Variants in SCOC observed in about 807,000 individuals in gnomAD.
SCOC encodes short coiled coil protein.
In SCOC, 7 loss-of-function variants were observed where a neutral mutation model predicts 9.9. The ratio of observed to expected loss-of-function variants is 0.71; its 90% CI spans 0.40 to 1.33. The LOEUF (loss-of-function observed/expected upper bound fraction) is 1.33. Among genes scored for constraint, SCOC ranks in the 40% most tolerant of loss-of-function variants. The probability of loss-of-function intolerance (pLI) is 0.01; values close to 1 mark genes in which losing one functional copy is unlikely to be tolerated. For synonymous variants in SCOC, 19 were observed against 28.2 expected (o/e 0.67, Z 1.03); for missense variants, 66 against 89.7 (o/e 0.74, Z 1.07).
chr4:140,280,241 C>T (rs761936452), intron 1 of SCOC, among the ~76,000 whole-genome samples: 19 of 152,254 alleles, frequency 1.2e-4, no homozygotes, highest in South Asian at 1.0e-3. Context: ...CTCAGCCTCC[C>T]GAGTAGCTGG....
At chr4:140,280,318 A>G (rs2126414865) in intron 1 of SCOC, among the ~76,000 whole-genome samples, 1 of 152,190 alleles carries the variant, frequency 6.6e-6, no homozygotes, top group East Asian at 1.9e-4. Context: ...TTGTAGAGAC[A>G]GGGTTTTGCT....
intron 1 of SCOC, chr4:140,284,771 A>G (rs970564848): frequency 2.7e-5 from 2 of 73,614 alleles, no homozygotes; most frequent in South Asian, 4.6e-4. Flanking sequence ...TATTTCTTTC[A>G]AAAAAAAAAA....
chr4:140,321,516 T>A (rs955317871), intron 1 of SCOC, among the ~76,000 whole-genome samples: 1 of 152,282 alleles, frequency 6.6e-6, no homozygotes, highest in East Asian at 1.9e-4. Context: ...CTAAAAATGC[T>A]AGACATCAAA....
chr4:140,376,036 C>T (rs1488564318), intron 1 of SCOC, among the ~76,000 whole-genome samples: 1 of 152,114 alleles, frequency 6.6e-6, no homozygotes, highest in Non-Finnish European at 1.5e-5. Context: ...GCATATTTGA[C>T]ATGGAATTAG....
At chr4:140,279,004 T>G (rs1031146117) in intron 1 of SCOC, among the ~76,000 whole-genome samples, 3 of 152,146 alleles carry the variant, frequency 2.0e-5, no homozygotes, top group Non-Finnish European at 4.4e-5. Flanking sequence ...CAAGATCCTG[T>G]GTAGTTTGGC....
At chr4:140,377,615 A>T (rs141830699) in intron 1 of SCOC, among the ~76,000 whole-genome samples, 1 of 152,210 alleles carries the variant, frequency 6.6e-6, no homozygotes, top group Admixed American at 6.5e-5. Flanking sequence ...AAGTTTATGT[A>T]TATGTACACT....
chr4:140,362,284 C>CT (rs1236165549), intron 2 of SCOC, among the ~76,000 whole-genome samples: 1 of 16,094 alleles, frequency 6.2e-5, no homozygotes, highest in Admixed American at 6.1e-4. Context: ...CTTACTTCTT[C>CT]TTCTTCTTCT....
intron 2 of SCOC, among the ~76,000 whole-genome samples, chr4:140,345,169 C>T (rs1338942476): frequency 6.6e-6 from 1 of 152,108 alleles, no homozygotes; most frequent in African/African-American, 2.4e-5. Flanking sequence ...TGGGCATGGG[C>T]GCTGAAGAAC....
chr4:140,344,602 A>G (rs183544083), intron 2 of SCOC, among the ~76,000 whole-genome samples: 10 of 152,322 alleles, frequency 6.6e-5, no homozygotes, highest in African/African-American at 2.4e-4. Flanking sequence ...CTGGCACTGC[A>G]TAAACATGCT....
chr4:140,261,146 G>A (rs1730624191), intron 1 of SCOC, among the ~76,000 whole-genome samples: 1 of 152,192 alleles, frequency 6.6e-6, no homozygotes, highest in African/African-American at 2.4e-5. Flanking sequence ...TAATGGTGGT[G>A]ATGACCTATT....
At chr4:140,263,510 C>G (rs1378304817) in intron 1 of SCOC, among the ~76,000 whole-genome samples, 7 of 152,148 alleles carry the variant, frequency 4.6e-5, no homozygotes, top group Non-Finnish European at 1.0e-4. Context: ...TTTGGTGAAG[C>G]AGGCCTTTGT....
chr4:140,377,801 T>C (rs1728403615), intron 1 of SCOC, among the ~76,000 whole-genome samples: 2 of 152,192 alleles, frequency 1.3e-5, no homozygotes. Context: ...AGTTCTAGTA[T>C]GTAGATATCC....
chr4:140,358,829 T>C (rs1727342177), intron 2 of SCOC, among the ~76,000 whole-genome samples: 1 of 152,230 alleles, frequency 6.6e-6, no homozygotes, highest in African/African-American at 2.4e-5. Flanking sequence ...CATTCCATTT[T>C]AATCACCATT....
chr4:140,314,912 T>C (rs1256744479), intron 1 of SCOC, among the ~76,000 whole-genome samples: 1 of 152,192 alleles, frequency 6.6e-6, no homozygotes, highest in African/African-American at 2.4e-5. Flanking sequence ...TGAATGTTCC[T>C]TTCCATTTTC....
intron 1 of SCOC, among the ~76,000 whole-genome samples, chr4:140,276,301 CTAATTTTTGTAT>C: frequency 6.6e-6 from 1 of 152,034 alleles, no homozygotes; most frequent in South Asian, 2.1e-4. Context: ...CGCACCCGGC[CTAATTTTTGTAT>C]TTTTTAGTAG....
intron 2 of SCOC, among the ~76,000 whole-genome samples, chr4:140,357,032 C>T (rs564599197): frequency 1.3e-5 from 2 of 152,264 alleles, no homozygotes; most frequent in South Asian, 2.1e-4. Flanking sequence ...TGCAGTGGTG[C>T]AATCTCGGCT....
intron 1 of SCOC, among the ~76,000 whole-genome samples, chr4:140,300,098 T>C (rs774808989): frequency 1.1e-4 from 17 of 152,190 alleles, no homozygotes; most frequent in African/African-American, 1.9e-4. Context: ...GGAAATCTCA[T>C]TGGCTGTGGG....
In SCOC at chr4:140,381,588, A is replaced by G. The variant is rs1728575302; in HGVS notation, c.*484A>G. On this transcript the variant is annotated 3_prime_UTR_variant, in exon 4 of 4. Transcript: ENST00000608372. ...TCACATTTGTAAAAGTAATTTTAAT[A>G]GTTAATCATCTCTGAGAGTAACCTG... 6.6e-6 allele frequency: 1 copy of G among 152,436 alleles called. No homozygotes were observed. Among genetic ancestry groups the G allele is most frequent in the South Asian group, 2.1e-4 (1 of 4,850 alleles). The allele number at this position is 152,436 out of a possible 1,614,324, so 9.4% of individuals were successfully genotyped here. A position where few individuals can be genotyped will look rare whatever the true frequency, so the allele number is the denominator to read the frequency against.
At chr4:140,285,549 T>C (rs1245037303) in intron 1 of SCOC, among the ~76,000 whole-genome samples, 3 of 152,204 alleles carry the variant, frequency 2.0e-5, no homozygotes, top group Non-Finnish European at 4.4e-5. Context: ...AGCTAGGGCA[T>C]TTTGTAAGCA....
Sources: allele counts gnomAD v4.1 joint callset (sites outside exome capture counted in the v4.1 genomes callset), GRCh38; gene constraint gnomAD v4.1.1; transcripts MANE v1.5; gene names NCBI Gene and HGNC (gene_info 2026-07-23, HGNC 2026-07-21).